Variants in MYO1E observed in about 807,000 individuals in gnomAD.
MYO1E encodes the protein unconventional myosin-Ie.
Under a neutral mutation model 151.1 loss-of-function variants are expected in MYO1E, and 68 were observed. That is an observed-to-expected ratio of 0.45 (90% CI 0.37 to 0.55). MYO1E has a LOEUF of 0.55. Ranked by LOEUF, MYO1E falls within the 20% of genes least tolerant of loss-of-function variation. The pLI is 0.00. For synonymous variants in MYO1E, 601 were observed against 501.7 expected (o/e 1.20, Z -2.64); for missense variants, 1,363 against 1,389.3 (o/e 0.98, Z 0.30).
At chr15:59,311,482 C>T (rs1356441517) in intron 1 of MYO1E, among the ~76,000 whole-genome samples, 3 of 152,070 alleles carry the variant, frequency 2.0e-5, no homozygotes, top group African/African-American at 7.2e-5. Flanking sequence ...GACCGTATTG[C>T]CCAGGGGTTG....
rs2079354129 is a variant in MYO1E at position 59,133,116 on chromosome 15, C to CT, written c.*4263_*4264insA. 1 of 152,152 alleles carries CT rather than the reference C, an allele frequency of 6.6e-6. No homozygotes were observed. The highest frequency in any genetic ancestry group is 2.4e-5 in the African/African-American group (1 of 41,518). The allele number at this position is 152,152 out of a possible 1,614,324, so 9.4% of individuals were successfully genotyped here. ...CACAGGCCTTTTGGGCACAGTGGCT[C>CT]ATGCTTGTAATCCCAGAATTTTGGG... On this transcript the variant is annotated 3_prime_UTR_variant, in exon 28 of 28. Coordinates refer to ENST00000288235, the MANE Select transcript of MYO1E (RefSeq NM_004998.4).
chr15:59,338,693 AG>A lies in MYO1E; in HGVS notation c.3+33804del, dbSNP rs67868054. ...CCACTTCCCACAGGCAGGAGGAGCA[AG>A]GTCCTTGAAAACCCATTTGGGTAAA... is the stretch of plus-strand genomic sequence containing the variant. On this transcript the variant is annotated intron_variant, in intron 1 of 27. Transcript: ENST00000288235. Among the ~76,000 whole-genome samples the A allele has an allele frequency of 9.0e-3, 1,365 of 152,260 alleles. 24 individuals are homozygous for A. The highest frequency in any genetic ancestry group is 0.031 in the African/African-American group (1,292 of 41,560).
Position 59,217,889 on chromosome 15 carries a change from A to C in MYO1E, c.1107+2T>G. ...TCACCAGCATCAACTTCTGTTACTT[A>C]CATCTACCAAGAAATCAAAGACCCG... On this transcript the variant is annotated splice_donor_variant, in intron 10 of 27. Transcript: ENST00000288235. LOFTEE classifies it high-confidence loss of function. 6.2e-7 allele frequency: 1 copy of C among 1,613,976 alleles called. No individual in the cohort carries two copies. Among genetic ancestry groups the C allele is most frequent in the Non-Finnish European group, 8.5e-7 (1 of 1,179,882 alleles).
At chr15:59,208,398 T>G (rs1490307070) in intron 14 of MYO1E, 3 of 565,398 alleles carry the variant, frequency 5.3e-6, no homozygotes, top group African/African-American at 3.8e-5. Context: ...TCCGACTCTT[T>G]TCATTAGATA....
chr15:59,141,006 T>C (rs2079405681), intron 26 of MYO1E, among the ~76,000 whole-genome samples: 1 of 152,228 alleles, frequency 6.6e-6, no homozygotes, highest in African/African-American at 2.4e-5. Flanking sequence ...AAGAAGTGCT[T>C]GCTTCTCTGA....
At chr15:59,216,938 T>G (rs2079922401) in intron 10 of MYO1E, among the ~76,000 whole-genome samples, 1 of 151,394 alleles carries the variant, frequency 6.6e-6, no homozygotes, top group Non-Finnish European at 1.5e-5. Flanking sequence ...ATTCTCTCTT[T>G]CAGATCACTC....
rs2079355738 is a variant in MYO1E, at chr15:59,133,493, CTCAGAGTGGAAAGG to C, written c.*3873_*3886del. On this transcript the variant is annotated 3_prime_UTR_variant, in exon 28 of 28. Coordinates refer to ENST00000288235, the MANE Select transcript of MYO1E (RefSeq NM_004998.4). ...GCCAGTCTTCTTGTTAGAAAGGGTG[CTCAGAGTGGAAAGG>C]TATGATCTAGTAGGGAAAAAGACAT... is the stretch of plus-strand genomic sequence containing the variant. The C allele has an allele frequency of 1.3e-5, 1 of 76,446 alleles. No homozygotes were observed. Among genetic ancestry groups the C allele is most frequent in the Non-Finnish European group, 2.8e-5 (1 of 35,742 alleles). The allele number at this position is 76,446 out of a possible 1,614,324, so 4.7% of individuals were successfully genotyped here. A position where few individuals can be genotyped will look rare whatever the true frequency, so the allele number is the denominator to read the frequency against.
intron 26 of MYO1E, among the ~76,000 whole-genome samples, chr15:59,149,052 GTTTTTTTTT>G (rs570700878): frequency 3.9e-5 from 5 of 128,234 alleles, no homozygotes; most frequent in African/African-American, 1.5e-4. Flanking sequence ...TTTTTTTTTT[GTTTTTTTTT>G]TTTTTTTTTT....
intron 17 of MYO1E, 27 bp from the exon 18 acceptor site, chr15:59,188,243 G>A: frequency 1.3e-6 from 2 of 1,554,714 alleles, no homozygotes; most frequent in Non-Finnish European, 1.8e-6. Context: ...ATGGGGCCTG[G>A]ACATTACTGG....
At chr15:59,238,529 T>C (rs1596379879) in intron 4 of MYO1E, among the ~76,000 whole-genome samples, 1 of 152,146 alleles carries the variant, frequency 6.6e-6, no homozygotes, top group South Asian at 2.1e-4. Flanking sequence ...CAAAAACAAA[T>C]TGACAAGGAA....
intron 1 of MYO1E, among the ~76,000 whole-genome samples, chr15:59,288,251 C>T (rs2080398790): frequency 6.6e-6 from 1 of 152,192 alleles, no homozygotes; most frequent in African/African-American, 2.4e-5. Flanking sequence ...TCACAGCTCA[C>T]TGCAGCCTGG....
chr15:59,178,438 C>G lies in MYO1E; in HGVS notation c.2004G>C (p.Gln668His). The part of the protein sequence containing the change: ...LLQSVNMDSD[Q>H]FQLGRSKVFI... ...ACACTTTACTCCTCCCCAGCTGGAACTGGTCGCTGTCCATGTTGACCGACT... is the reference window on the plus strand; with the variant it reads ...ACACTTTACTCCTCCCCAGCTGGAAGTGGTCGCTGTCCATGTTGACCGACT... The change falls in exon 19 of 28, where the codon CAG (glutamine) becomes CAC (histidine). Residue 668 changes from glutamine (Q) to histidine (H), a missense_variant. Physicochemically the swap from Gln to His is conservative, Grantham distance 24 (BLOSUM62 0). Transcript: ENST00000288235. The G allele has an allele frequency of 1.2e-6, 2 of 1,614,242 alleles. No homozygotes were observed. Among genetic ancestry groups the G allele is most frequent in the Non-Finnish European group, 1.7e-6 (2 of 1,180,040 alleles).
intron 1 of MYO1E, among the ~76,000 whole-genome samples, chr15:59,349,329 T>C (rs2080811126): frequency 2.6e-5 from 4 of 152,182 alleles, no homozygotes; most frequent in Non-Finnish European, 2.9e-5. Context: ...ATGAAATGGA[T>C]ATAATTATGT....
chr15:59,169,813 A>T (rs2079581765), intron 22 of MYO1E, among the ~76,000 whole-genome samples: 1 of 152,222 alleles, frequency 6.6e-6, no homozygotes, highest in Non-Finnish European at 1.5e-5. Flanking sequence ...CCTGCTTGAC[A>T]ACCCCCTCAA....
chr15:59,328,157 C>G (rs989117304), intron 1 of MYO1E, among the ~76,000 whole-genome samples: 8 of 152,196 alleles, frequency 5.3e-5, no homozygotes, highest in Non-Finnish European at 7.4e-5. Flanking sequence ...AAAGTTCACC[C>G]TGACAGATTA....
At chr15:59,169,997 C>T (rs2079582863) in intron 22 of MYO1E, among the ~76,000 whole-genome samples, 1 of 152,042 alleles carries the variant, frequency 6.6e-6, no homozygotes, top group South Asian at 2.1e-4. Context: ...TTGTCTCTCA[C>T]TAAAAATACA....
Position 59,223,146 on chromosome 15 carries a change from C to G in MYO1E, c.823G>C (p.Val275Leu). ...AGAATACCCGCCACTATCTGCAACA[C>G]CAGCGTTTGCTCTTCTGCAAAGATC... ...IGIFAEEQTL[V>L]LQIVAGILHL... is the part of the protein sequence containing the mutation. The change falls in exon 9 of 28, where the codon GTG (valine) becomes CTG (leucine). Residue 275 changes from valine (V) to leucine (L), a missense_variant. Physicochemically the swap from Val to Leu is conservative, Grantham distance 32. Coordinates refer to ENST00000288235, the MANE Select transcript of MYO1E (RefSeq NM_004998.4). 2 of 1,614,180 alleles carry G rather than the reference C, an allele frequency of 1.2e-6. No individual in the cohort carries two copies. Among genetic ancestry groups the G allele is most frequent in the Non-Finnish European group, 1.7e-6 (2 of 1,180,034 alleles).
At chr15:59,196,891 T>G (rs563025503) in intron 16 of MYO1E, among the ~76,000 whole-genome samples, 1 of 151,990 alleles carries the variant, frequency 6.6e-6, no homozygotes, top group African/African-American at 2.4e-5. Flanking sequence ...GACTGCAGGG[T>G]TGAATATAGC....
chr15:59,308,444 G>T lies in MYO1E; in HGVS notation c.4-35995C>A, dbSNP rs78389066. 1.2e-3 allele frequency among the ~76,000 whole-genome samples: 178 copies of T among 151,984 alleles called. 2 individuals are homozygous for T. The East Asian group carries it at 0.031, about 27-fold the overall frequency. ...CCCAGCACTTTGGGAGGCCAAGGCG[G>T]GTGGATCACCTGAGGTCAGCAGTTC... On this transcript the variant is annotated intron_variant, in intron 1 of 27. Transcript: ENST00000288235.
Sources: gnomAD v4.1 joint callset for allele counts (sites outside exome capture counted in the v4.1 genomes callset) on GRCh38, gnomAD v4.1.1 for gene constraint, MANE v1.5 for transcripts, NCBI Gene and HGNC (gene_info 2026-07-23, HGNC 2026-07-21) for gene names.